The following GRIN2A variants were observed in gnomAD, a reference collection of about 807,000 sequenced individuals.
GRIN2A encodes glutamate receptor ionotropic, NMDA 2A.
In GRIN2A, 22 loss-of-function variants were observed where a neutral mutation model predicts 113.4. The ratio of observed to expected loss-of-function variants is 0.19; its 90% CI spans 0.14 to 0.28. GRIN2A has a LOEUF of 0.28. Ranked by LOEUF, GRIN2A falls within the 10% of genes least tolerant of loss-of-function variation. The pLI is 1.00. For missense variants in GRIN2A, 1,502 were observed against 1,887.0 expected (o/e 0.80, Z 3.78); for synonymous variants, 827 against 738.4 (o/e 1.12, Z -1.94).
intron 2 of GRIN2A, among the ~76,000 whole-genome samples, chr16:9,980,794 C>T (rs1199650851): frequency 7.5e-6 from 1 of 133,766 alleles, no homozygotes; most frequent in African/African-American, 2.9e-5. Context: ...ACAATGAGAA[C>T]ACATGGACAC....
chr16:10,151,231 A>G (rs1289128790), intron 2 of GRIN2A, among the ~76,000 whole-genome samples: 1 of 152,304 alleles, frequency 6.6e-6, no homozygotes, highest in African/African-American at 2.4e-5. Flanking sequence ...AATTTTGAGT[A>G]GCATGCCCTC....
intron 3 of GRIN2A, among the ~76,000 whole-genome samples, chr16:9,925,518 T>A (rs1410917561): frequency 6.6e-6 from 1 of 152,198 alleles, no homozygotes; most frequent in African/African-American, 2.4e-5. Flanking sequence ...GCTGCTTTTG[T>A]TTCCTAGATT....
At chr16:10,127,118 T>C (rs2048955708) in intron 2 of GRIN2A, among the ~76,000 whole-genome samples, 1 of 152,154 alleles carries the variant, frequency 6.6e-6, no homozygotes, top group African/African-American at 2.4e-5. Flanking sequence ...ATTTTCTTGA[T>C]TTCAAAATCC....
intron 10 of GRIN2A, among the ~76,000 whole-genome samples, chr16:9,811,949 C>A (rs1031299046): frequency 2.6e-5 from 4 of 152,084 alleles, no homozygotes; most frequent in African/African-American, 4.8e-5. Context: ...TTTTCCTTAT[C>A]TCAATGGAAG....
At chr16:9,987,043 G>C (rs1378502727) in intron 2 of GRIN2A, among the ~76,000 whole-genome samples, 3 of 152,062 alleles carry the variant, frequency 2.0e-5, no homozygotes, top group African/African-American at 7.2e-5. Flanking sequence ...CAGCATACTT[G>C]GCATCATTGA....
chr16:10,142,683 A>G (rs950546276), intron 2 of GRIN2A, among the ~76,000 whole-genome samples: 12 of 152,212 alleles, frequency 7.9e-5, no homozygotes, highest in African/African-American at 2.9e-4. Flanking sequence ...TGGGCAATAG[A>G]GCAAGACTCT....
intron 2 of GRIN2A, among the ~76,000 whole-genome samples, chr16:10,087,173 T>A (rs1220126631): frequency 6.6e-6 from 1 of 152,244 alleles, no homozygotes; most frequent in Admixed American, 6.5e-5. Context: ...TTAACCTCTC[T>A]GAGCCTCAGT....
intron 9 of GRIN2A, among the ~76,000 whole-genome samples, chr16:9,824,645 C>A (rs914522771): frequency 6.6e-6 from 1 of 152,164 alleles, no homozygotes; most frequent in Non-Finnish European, 1.5e-5. Context: ...CTCCAGGAAC[C>A]TTTTCCACTA....
chr16:9,876,844 G>A (rs544304381), intron 4 of GRIN2A, among the ~76,000 whole-genome samples: 1 of 152,258 alleles, frequency 6.6e-6, no homozygotes, highest in African/African-American at 2.4e-5. Flanking sequence ...CTAGCTGGGT[G>A]CATGGGTGGA....
At chr16:10,012,960 A>G (rs1228756561) in intron 2 of GRIN2A, among the ~76,000 whole-genome samples, 2 of 152,220 alleles carry the variant, frequency 1.3e-5, no homozygotes, top group Non-Finnish European at 2.9e-5. Context: ...TATCAACTGC[A>G]AACAATTGTT....
At chr16:9,871,336 G>C (rs1214790659) in intron 4 of GRIN2A, among the ~76,000 whole-genome samples, 1 of 151,622 alleles carries the variant, frequency 6.6e-6, no homozygotes, top group East Asian at 1.9e-4. Context: ...AGGACTTAAA[G>C]GACTCCTTGA....
intron 11 of GRIN2A, among the ~76,000 whole-genome samples, chr16:9,785,611 T>C (rs1322451221): frequency 1.3e-5 from 2 of 151,534 alleles, no homozygotes; most frequent in Non-Finnish European, 2.9e-5. Flanking sequence ...ATATATAATG[T>C]AAAGGGAGCA....
intron 2 of GRIN2A, among the ~76,000 whole-genome samples, chr16:9,948,853 G>T (rs769158541): frequency 6.6e-6 from 1 of 152,196 alleles, no homozygotes; most frequent in African/African-American, 2.4e-5. Flanking sequence ...TGACCCCAGG[G>T]TATGCATAGC....
intron 2 of GRIN2A, among the ~76,000 whole-genome samples, chr16:10,074,905 G>A (rs189585509): frequency 5.3e-5 from 8 of 152,254 alleles, no homozygotes; most frequent in South Asian, 4.2e-4. Flanking sequence ...ACATTTAAAC[G>A]TAAGACTAGG....
At chr16:10,131,979 C>A (rs1018846269) in intron 2 of GRIN2A, among the ~76,000 whole-genome samples, 4 of 152,066 alleles carry the variant, frequency 2.6e-5, no homozygotes, top group African/African-American at 9.7e-5. Context: ...CTCTAAGCTC[C>A]ATATCCCTAA....
intron 2 of GRIN2A, among the ~76,000 whole-genome samples, chr16:9,950,626 AG>A (rs1196047036): frequency 1.3e-5 from 2 of 152,338 alleles, no homozygotes; most frequent in South Asian, 4.2e-4. Flanking sequence ...CAAACAGGAC[AG>A]CTATAATTGC....
At chr16:10,073,978 A>G (rs1161281009) in intron 2 of GRIN2A, among the ~76,000 whole-genome samples, 1 of 152,074 alleles carries the variant, frequency 6.6e-6, no homozygotes, top group African/African-American at 2.4e-5. Context: ...CAAATTATAT[A>G]TCTCATAAAA....
intron 2 of GRIN2A, among the ~76,000 whole-genome samples, chr16:10,025,647 A>G (rs2937033): frequency 0.79 from 120,506 of 152,016 alleles, 48,451 homozygotes; most frequent in Non-Finnish European, 0.85. Flanking sequence ...CTGGAATACC[A>G]CCTCATTTGA....
At chr16:10,006,485 T>G (rs920032805) in intron 2 of GRIN2A, among the ~76,000 whole-genome samples, 1 of 152,206 alleles carries the variant, frequency 6.6e-6, no homozygotes. Flanking sequence ...TCATTTTATT[T>G]CTTAAAAAAT....
Sources: gnomAD v4.1 joint callset for allele counts (sites outside exome capture counted in the v4.1 genomes callset) on GRCh38, gnomAD v4.1.1 for gene constraint, MANE v1.5 for transcripts, NCBI Gene and HGNC (gene_info 2026-07-23, HGNC 2026-07-21) for gene names.